The following AASDH variants were observed in gnomAD, a reference collection of about 807,000 sequenced individuals.
AASDH encodes the protein aminoadipate-semialdehyde dehydrogenase, also known as beta-alanine-activating enzyme.
Under a neutral mutation model 102.3 loss-of-function variants are expected in AASDH, and 81 were observed. That is an observed-to-expected ratio of 0.79 (90% confidence interval 0.66 to 0.95). AASDH has a LOEUF of 0.95. AASDH is among the 40% of genes least tolerant of loss of function. The probability of loss-of-function intolerance (pLI) is 0.00; values close to 1 mark genes in which losing one functional copy is unlikely to be tolerated. For missense variants in AASDH, 1,203 were observed against 1,266.2 expected, an observed-to-expected ratio of 0.95 and a Z score of 0.76; for synonymous variants, 398 against 454.0, an observed-to-expected ratio of 0.88 and a Z score of 1.57.
chr4:56,353,232 A>G (rs1036416729), intron 9 of AASDH, among the ~76,000 whole-genome samples, 172 bp downstream of exon 9: 3 of 152,180 alleles, frequency 2.0e-5, no homozygotes, highest in Admixed American at 1.3e-4. Context: ...ACCTATCCAC[A>G]GGATTTTCTG....
chr4:56,360,894 A>G (rs1016188099), intron 5 of AASDH, among the ~76,000 whole-genome samples: 8 of 152,220 alleles, frequency 5.3e-5, no homozygotes, highest in Admixed American at 2.6e-4. Flanking sequence ...TTAGTAATAA[A>G]TTATGATGGC....
chr4:56,370,958 T>C (rs999895438), intron 5 of AASDH, among the ~76,000 whole-genome samples: 22 of 152,210 alleles, frequency 1.4e-4, no homozygotes, highest in Admixed American at 5.2e-4. Flanking sequence ...CTTGTGTACC[T>C]GCATGACCTA....
Position 56,367,471 on chromosome 4 carries a change from G to A in AASDH, c.861+3980C>T, listed in dbSNP as rs9686061. ...CATGCTACCTGACTTCAAACTATATGACAAGGCTACAGTAACCAAAACAGC... is the reference window on the plus strand; with the variant it reads ...CATGCTACCTGACTTCAAACTATATAACAAGGCTACAGTAACCAAAACAGC... On this transcript the variant is annotated intron_variant, in intron 5 of 14. Transcript: ENST00000205214. Among the ~76,000 whole-genome samples the A allele has an allele frequency of 5.0e-4, 38 of 75,282 alleles. 2 individuals are homozygous for A. The highest frequency in any genetic ancestry group is 1.7e-3 in the African/African-American group (38 of 21,930). 49.4% of individuals were successfully genotyped at this position (75,282 alleles called of 152,430 possible).
At chr4:56,377,673 G>T (rs1311159502) in intron 4 of AASDH, among the ~76,000 whole-genome samples, 1 of 152,178 alleles carries the variant, frequency 6.6e-6, no homozygotes, top group East Asian at 1.9e-4. Flanking sequence ...GGCCTAGTCT[G>T]CAGAGAACTA....
chr4:56,354,800 G>C lies in AASDH; in HGVS notation c.1115C>G (p.Pro372Arg). ...AAGAAGTGGAAATCCCAGTTGTACA[G>C]GCAATTCACATCTATGAAAATAAGA... ...TLNSTLKCEL[P>R]VQLGFPLLGT... Residue 372 changes from proline (P) to arginine (R), a missense_variant, in exon 7 of 15, where the codon CCT (proline) becomes CGT (arginine). Physicochemically the swap from Pro to Arg is moderately radical, Grantham distance 103. Transcript: ENST00000205214. 1 of 1,603,050 alleles carries C rather than the reference G, an allele frequency of 6.2e-7. No homozygotes were observed. The highest frequency in any genetic ancestry group is 1.1e-5 in the South Asian group (1 of 88,312).
Position 56,338,745 on chromosome 4 carries a change from G to T in AASDH, c.2954C>A (p.Thr985Asn), listed in dbSNP as rs928254066. 6 of 1,614,040 alleles carry T rather than the reference G, an allele frequency of 3.7e-6. No individual in the cohort carries two copies. The highest frequency in any genetic ancestry group is 1.6e-4 in the Middle Eastern group (1 of 6,084). The change falls in exon 15 of 15, where the codon ACC becomes AAC. Residue 985 changes from threonine to asparagine, a missense_variant. Thr to Asn is a moderately conservative substitution (Grantham distance 65). Coordinates refer to ENST00000205214, the MANE Select transcript of AASDH (RefSeq NM_181806.4). Reference protein sequence around the residue: ...TSGPIFSSPCTSPSEQKIFFG... With the variant: ...TSGPIFSSPCNSPSEQKIFFG... ...AAATATTTTTTGCTCTGATGGTGAGGTACACGGGGATGAAAAGATTGGTCC... is the reference window on the plus strand; with the variant it reads ...AAATATTTTTTGCTCTGATGGTGAGTTACACGGGGATGAAAAGATTGGTCC...
intron 5 of AASDH, chr4:56,356,397 C>G (rs991588542): frequency 6.3e-7 from 1 of 1,592,258 alleles, no homozygotes; most frequent in Non-Finnish European, 8.5e-7. Context: ...GGCCCTGGAC[C>G]GCCAAACAGC....
chr4:56,350,497 C>A (rs1333101631), intron 10 of AASDH, among the ~76,000 whole-genome samples: 2 of 151,518 alleles, frequency 1.3e-5, no homozygotes, highest in Non-Finnish European at 2.9e-5. Flanking sequence ...AAAATAAATA[C>A]TTTTAATAAT....
At chr4:56,355,749 G>A (rs79556122) in intron 5 of AASDH, among the ~76,000 whole-genome samples, 11,239 of 151,826 alleles carry the variant, frequency 0.074, 598 homozygotes, top group East Asian at 0.25. Context: ...CTCCTGAACA[G>A]CTTGGGACTA....
intron 5 of AASDH, among the ~76,000 whole-genome samples, chr4:56,360,984 A>T (rs1750220482): frequency 6.6e-6 from 1 of 152,226 alleles, no homozygotes; most frequent in South Asian, 2.1e-4. Flanking sequence ...TTGTCAAAAT[A>T]GGGGCTAAAA....
chr4:56,370,679 T>C (rs1231683829), intron 5 of AASDH, among the ~76,000 whole-genome samples: 4 of 152,192 alleles, frequency 2.6e-5, no homozygotes, highest in African/African-American at 9.7e-5. Context: ...AATAAATGTC[T>C]GTTGTTTATA....
At chr4:56,355,593 G>GTTTTTTTTTTTTTTTTTTTTTTTTTTTTT (rs149149581) in intron 5 of AASDH, among the ~76,000 whole-genome samples, 170 bp from the exon 6 acceptor site, 1 of 91,916 alleles carries the variant, frequency 1.1e-5, no homozygotes, top group Non-Finnish European at 2.0e-5. Context: ...TTATCTTCTT[G>GTTTTTTTTTTTTTTTTTTTTTTTTTTTTT]TTTTTTTTTT....
intron 5 of AASDH, among the ~76,000 whole-genome samples, chr4:56,367,884 A>G (rs376512037): frequency 6.6e-6 from 1 of 151,784 alleles, no homozygotes. Flanking sequence ...TCATTAAACT[A>G]AAGAGCTTCT....
chr4:56,342,927 G>A lies in AASDH; in HGVS notation c.2815C>T (p.Pro939Ser), dbSNP rs200834278. The change falls in exon 14 of 15, where the codon CCA (proline) becomes TCA (serine). Residue 939 changes from proline to serine, a missense_variant. Physicochemically the swap from Pro to Ser is moderately conservative, Grantham distance 74. Transcript: ENST00000205214. The part of the protein sequence containing the change: ...NVIWKHSCGK[P>S]LFSSPQCCSQ... ...CAACATTGTGGGGAAGAGAAGAGTG[G>A]TTTTCCACAGGAATGTTTCCAAATA... 4.3e-5 allele frequency: 69 copies of A among 1,593,398 alleles called. No homozygotes were observed. The highest frequency in any genetic ancestry group is 5.6e-5 in the Non-Finnish European group (65 of 1,170,072).
rs377274703 is a variant in AASDH, at chr4:56,353,957, A to G, written c.1383+82T>C. 1.7e-3 allele frequency: 2,159 copies of G among 1,283,190 alleles called. 5 individuals carry two copies. The highest frequency in any genetic ancestry group is 0.012 in the South Asian group (620 of 53,086). 79.5% of individuals were successfully genotyped at this position (1,283,190 alleles called of 1,614,324 possible). ...CAAAAATGTCAGGTGTAAATAATAGAGACCCCAGCACAGAAAATTGGTGGT... is the reference window on the plus strand; with the variant it reads ...CAAAAATGTCAGGTGTAAATAATAGGGACCCCAGCACAGAAAATTGGTGGT... On this transcript the variant is annotated intron_variant, in intron 8 of 14. Transcript: ENST00000205214.
In AASDH at chr4:56,387,453, A is replaced by G. The variant is rs1304275802; in HGVS notation, c.-134T>C. The G allele has an allele frequency of 6.6e-6, 1 of 152,264 alleles. No individual in the cohort carries two copies. Among genetic ancestry groups the G allele is most frequent in the East Asian group, 1.9e-4 (1 of 5,194 alleles). 9.4% of individuals were successfully genotyped at this position (152,264 alleles called of 1,614,324 possible). A position where few individuals can be genotyped will look rare whatever the true frequency, so the allele number is the denominator to read the frequency against. ...TTCTCACAGCGAAGCAGCAGCTCCC[A>G]GAAGCCGTAAAGCTATCCCAGAGCG... On this transcript the variant is annotated 5_prime_UTR_variant, in exon 1 of 15. Coordinates refer to ENST00000205214, the MANE Select transcript of AASDH (RefSeq NM_181806.4).
intron 9 of AASDH, 66 bp from the exon 10 acceptor site, chr4:56,351,523 T>G: frequency 1.2e-6 from 1 of 855,394 alleles, no homozygotes; most frequent in Non-Finnish European, 1.9e-6. Context: ...AGCCTTTATA[T>G]ATTCATTAGC....
chr4:56,338,829 C>G, intron 14 of AASDH, 38 bp from the exon 15 acceptor site: 1 of 1,565,878 alleles, frequency 6.4e-7, no homozygotes, highest in South Asian at 1.2e-5. Context: ...ATTCATTCAT[C>G]TAATTGCTCC....
intron 14 of AASDH, among the ~76,000 whole-genome samples, chr4:56,340,980 C>T (rs942737999): frequency 2.0e-5 from 3 of 152,124 alleles, no homozygotes; most frequent in Middle Eastern, 3.4e-3. Context: ...ATCATCTTAC[C>T]AAGTTAAAAT....
Sources: allele counts gnomAD v4.1 joint callset (sites outside exome capture counted in the v4.1 genomes callset), GRCh38; gene constraint gnomAD v4.1.1; transcripts MANE v1.5; gene names NCBI Gene and HGNC (gene_info 2026-07-23, HGNC 2026-07-21).